Variants in GPHN observed in about 807,000 individuals in gnomAD.
GPHN encodes gephyrin.
In GPHN, 17 loss-of-function variants were observed where a neutral mutation model predicts 95.5. The ratio of observed to expected loss-of-function variants is 0.18; its 90% confidence interval spans 0.12 to 0.27. The LOEUF is 0.27. GPHN is among the 10% of genes least tolerant of loss of function. The pLI, the probability that GPHN is intolerant of heterozygous loss-of-function variation, is 1.00. For synonymous variants in GPHN, 320 were observed against 322.5 expected (o/e 0.99, Z 0.08); for missense variants, 660 against 978.1 (o/e 0.67, Z 4.34).
intron 17 of GPHN, among the ~76,000 whole-genome samples, chr14:67,128,260 CT>C (rs763164125): frequency 0.016 from 2,267 of 144,530 alleles, 34 homozygotes; most frequent in African/African-American, 0.048. Context: ...CCTATTTCTA[CT>C]TTTTTTTTTT....
intron 8 of GPHN, among the ~76,000 whole-genome samples, chr14:66,961,375 A>C (rs1050155677): frequency 2.0e-5 from 3 of 152,036 alleles, no homozygotes; most frequent in African/African-American, 7.2e-5. Context: ...CTTTTAAGAC[A>C]CAAAAACCAC....
At chr14:67,449,048 G>T in the GPHN span, among the ~76,000 whole-genome samples, 1 of 152,138 alleles carries the variant, frequency 6.6e-6, no homozygotes, top group Middle Eastern at 3.2e-3. Flanking sequence ...TTCTGTCCAT[G>T]ATAGCCAACC....
chr14:66,759,457 C>G, intron 2 of GPHN, among the ~76,000 whole-genome samples: 1 of 152,188 alleles, frequency 6.6e-6, no homozygotes, highest in East Asian at 1.9e-4. Context: ...AAAATGGATT[C>G]TTATTGCACT....
the GPHN span, among the ~76,000 whole-genome samples, chr14:67,231,733 C>T: frequency 9.2e-5 from 14 of 152,124 alleles, no homozygotes; most frequent in African/African-American, 2.4e-4. Context: ...TTTGGGAGGC[C>T]GAGGTGGGCG....
intron 11 of GPHN, 67 bp from the exon 12 acceptor site, chr14:67,088,916 T>A (rs1179685814): frequency 4.6e-6 from 4 of 877,048 alleles, no homozygotes; most frequent in Non-Finnish European, 7.8e-6. Flanking sequence ...ATGCCCATCT[T>A]GTTTATGACT....
chr14:66,967,765 G>T (rs1339400205), intron 9 of GPHN, among the ~76,000 whole-genome samples: 2 of 151,730 alleles, frequency 1.3e-5, no homozygotes, highest in African/African-American at 4.8e-5. Flanking sequence ...ATGCTAAGAA[G>T]AAATGAAAAT....
At chr14:67,402,198 T>C in the GPHN span, among the ~76,000 whole-genome samples, 6 of 152,226 alleles carry the variant, frequency 3.9e-5, no homozygotes, top group Admixed American at 6.5e-5. Context: ...AAATGTTACA[T>C]TTCCCAGAGT....
At chr14:66,537,252 ATAGTT>A (rs1162671558) in intron 1 of GPHN, among the ~76,000 whole-genome samples, 2 of 152,130 alleles carry the variant, frequency 1.3e-5, no homozygotes, top group African/African-American at 4.8e-5. Flanking sequence ...GGTTACTAGT[ATAGTT>A]GGGCATAAAT....
At chr14:66,655,107 C>T (rs187080905) in intron 1 of GPHN, among the ~76,000 whole-genome samples, 2 of 152,068 alleles carry the variant, frequency 1.3e-5, no homozygotes, top group South Asian at 4.1e-4. Flanking sequence ...AATTCCTTTG[C>T]CTTTCCATGT....
intron 4 of GPHN, among the ~76,000 whole-genome samples, chr14:66,844,837 A>G (rs192044800): frequency 1.4e-4 from 21 of 152,202 alleles, no homozygotes; most frequent in Admixed American, 1.2e-3. Flanking sequence ...AACTTTTATC[A>G]TCCCATTTAG....
intron 5 of GPHN, among the ~76,000 whole-genome samples, chr14:66,912,022 A>G (rs942227179): frequency 2.6e-5 from 4 of 152,090 alleles, no homozygotes; most frequent in Non-Finnish European, 2.9e-5. Context: ...GCAGCCAGAA[A>G]TATCTTTTGA....
chr14:67,687,090 T>A, the GPHN span, among the ~76,000 whole-genome samples: 1 of 152,316 alleles, frequency 6.6e-6, no homozygotes, highest in East Asian at 1.9e-4. Context: ...ACCTAAAGCA[T>A]GCATCTCCAG....
rs758162289 is a variant in GPHN at position 66,666,232 on chromosome 14, CT to C, written c.65-14874del. ...AACCTGCACGTTGTGCACATGTACC[CT>C]AGAACTTAAAGTATAATAAAAATAT... is the stretch of plus-strand genomic sequence containing the variant. On this transcript the variant is annotated intron_variant, in intron 1 of 22. Transcript: ENST00000478722. Among the ~76,000 whole-genome samples the C allele has an allele frequency of 1.7e-4, 25 of 151,202 alleles. 1 individual carries two copies. The highest frequency in any genetic ancestry group is 3.5e-3 in the Middle Eastern group (1 of 288).
chr14:67,582,236 G>A, the GPHN span: 5 of 1,613,282 alleles, frequency 3.1e-6, no homozygotes, highest in South Asian at 1.1e-5. This position sits in a 1 kb window ranked among gnomAD's most constrained non-coding sequence, Gnocchi z 5.0. Context: ...GGAAGCAGGA[G>A]GGTCGGGTTG....
At chr14:67,338,593 G>T in the GPHN span, 5 of 1,604,212 alleles carry the variant, frequency 3.1e-6, no homozygotes, top group East Asian at 6.7e-5. Context: ...CAGTGTTAGG[G>T]TTTCTCAAAG....
At chr14:67,072,497 G>C (rs969787493) in intron 11 of GPHN, among the ~76,000 whole-genome samples, 4 of 151,940 alleles carry the variant, frequency 2.6e-5, no homozygotes, top group Non-Finnish European at 5.9e-5. Flanking sequence ...ACTCCTAGGA[G>C]ACCATTAGCT....
At chr14:67,099,111 T>G (rs2153677188) in intron 12 of GPHN, among the ~76,000 whole-genome samples, 1 of 139,492 alleles carries the variant, frequency 7.2e-6, no homozygotes, top group African/African-American at 2.6e-5. Flanking sequence ...TTGTAAAAAC[T>G]TTTTTTTTTT....
At chr14:66,774,210 G>T (rs1435341967) in intron 2 of GPHN, among the ~76,000 whole-genome samples, 1 of 151,642 alleles carries the variant, frequency 6.6e-6, no homozygotes, top group African/African-American at 2.4e-5. Context: ...CACCATGTTA[G>T]CCAGGATGGT....
chr14:67,113,949 G>T (rs1223487554), intron 16 of GPHN, among the ~76,000 whole-genome samples: 1 of 152,046 alleles, frequency 6.6e-6, no homozygotes, highest in African/African-American at 2.4e-5. Flanking sequence ...TAATTCCTTT[G>T]ACCTTACTAT....
Sources: gnomAD v4.1 joint callset for allele counts (sites outside exome capture counted in the v4.1 genomes callset) on GRCh38, gnomAD v4.1.1 for gene constraint, Gnocchi (gnomAD v3.1) non-coding constraint, MANE v1.5 for transcripts, NCBI Gene and HGNC (gene_info 2026-07-23, HGNC 2026-07-21) for gene names.